LOC122539214: variants seen among roughly 807,000 people sequenced by gnomAD.
At chr19:52,665,965 C>T in the LOC122539214 span, among the ~76,000 whole-genome samples, 1 of 151,538 alleles carries the variant, frequency 6.6e-6, no homozygotes, top group South Asian at 2.1e-4. Context: ...TTGAGACCAT[C>T]CTGGCTAACA....
the LOC122539214 span, among the ~76,000 whole-genome samples, chr19:52,681,563 G>C: frequency 6.6e-6 from 1 of 152,270 alleles, no homozygotes; most frequent in South Asian, 2.1e-4. Context: ...ATAACATACT[G>C]TCCCATGAAG....
At chr19:52,658,650 T>G in the LOC122539214 span, among the ~76,000 whole-genome samples, 8 of 152,302 alleles carry the variant, frequency 5.3e-5, no homozygotes, top group Non-Finnish European at 8.8e-5. Flanking sequence ...AAAGGTTATA[T>G]AGCTTGTAAT....
At chr19:52,659,543 T>C in the LOC122539214 span, among the ~76,000 whole-genome samples, 1 of 148,100 alleles carries the variant, frequency 6.8e-6, no homozygotes, top group Non-Finnish European at 1.5e-5. Context: ...TAGGTCAGGG[T>C]TGACATGCAG....
the LOC122539214 span, among the ~76,000 whole-genome samples, chr19:52,684,536 T>G: frequency 8.6e-5 from 10 of 116,302 alleles, no homozygotes; most frequent in Admixed American, 9.0e-5. Context: ...GACAATAGAG[T>G]GAGACTCTGT....
the LOC122539214 span, among the ~76,000 whole-genome samples, chr19:52,683,514 G>A: frequency 1.7e-5 from 2 of 117,258 alleles, no homozygotes; most frequent in Non-Finnish European, 3.5e-5. Context: ...CCTTCCTGAA[G>A]GGAATCCAAA....
the LOC122539214 span, among the ~76,000 whole-genome samples, chr19:52,687,861 T>C: frequency 6.6e-6 from 1 of 150,642 alleles, no homozygotes; most frequent in South Asian, 2.1e-4. Context: ...TATTGTGTAA[T>C]AACAGAAAGT....
the LOC122539214 span, among the ~76,000 whole-genome samples, chr19:52,682,399 G>C: frequency 1.3e-5 from 2 of 151,990 alleles, no homozygotes; most frequent in South Asian, 2.1e-4. Flanking sequence ...AATTCTGGAA[G>C]TGGTGGCTCA....
chr19:52,659,718 A>G, the LOC122539214 span, among the ~76,000 whole-genome samples: 39,120 of 152,052 alleles, frequency 0.26, 5,294 homozygotes, highest in Middle Eastern at 0.35. Flanking sequence ...TAATTTCAGG[A>G]TGCAAAAGAA....
At chr19:52,684,355 G>T in the LOC122539214 span, among the ~76,000 whole-genome samples, 1 of 151,762 alleles carries the variant, frequency 6.6e-6, no homozygotes, top group African/African-American at 2.4e-5. Context: ...GACAGAGTGA[G>T]ACTCAAAAAT....
the LOC122539214 span, among the ~76,000 whole-genome samples, chr19:52,676,153 G>A: frequency 2.6e-5 from 4 of 152,174 alleles, no homozygotes; most frequent in African/African-American, 7.2e-5. Context: ...ACTGGTTTTC[G>A]TATTTTTTTG....
the LOC122539214 span, among the ~76,000 whole-genome samples, chr19:52,679,383 G>T: frequency 1.3e-5 from 2 of 152,178 alleles, no homozygotes; most frequent in Admixed American, 6.5e-5. Context: ...AGCCAAGGTG[G>T]GTGGGTCACC....
chr19:52,654,225 AT>A, the LOC122539214 span: 1 of 1,580,476 alleles, frequency 6.3e-7, no homozygotes, highest in Non-Finnish European at 8.7e-7. Context: ...CTTCATGGCC[AT>A]TTCTTTTAAT....
the LOC122539214 span, among the ~76,000 whole-genome samples, chr19:52,683,989 A>G: frequency 2.0e-5 from 3 of 152,114 alleles, no homozygotes; most frequent in African/African-American, 7.2e-5. Flanking sequence ...ATTCCAGTAC[A>G]CCGGGAGACC....
the LOC122539214 span, among the ~76,000 whole-genome samples, chr19:52,687,630 A>AATTT: frequency 7.8e-5 from 1 of 12,774 alleles, no homozygotes; most frequent in Non-Finnish European, 1.4e-4. Flanking sequence ...ATATATATAT[A>AATTT]ATGTATATAT....
the LOC122539214 span, among the ~76,000 whole-genome samples, chr19:52,687,181 C>CA: frequency 3.0e-3 from 308 of 104,298 alleles, 1 homozygote; most frequent in Middle Eastern, 5.9e-3. Context: ...AACTCCATCT[C>CA]AAAAAAAAAA....
the LOC122539214 span, among the ~76,000 whole-genome samples, chr19:52,656,252 G>A: frequency 6.6e-6 from 1 of 151,400 alleles, no homozygotes; most frequent in Non-Finnish European, 1.5e-5. Flanking sequence ...CCAGGCATGG[G>A]GGCTCACACC....
the LOC122539214 span, chr19:52,654,031 G>A: frequency 6.4e-7 from 1 of 1,573,054 alleles, no homozygotes; most frequent in Non-Finnish European, 8.7e-7. Flanking sequence ...TGAAACCAAG[G>A]AAGCATTGTT....
At chr19:52,675,731 A>G in the LOC122539214 span, among the ~76,000 whole-genome samples, 4 of 152,250 alleles carry the variant, frequency 2.6e-5, no homozygotes, top group Non-Finnish European at 5.9e-5. Flanking sequence ...GGGCAGAAGT[A>G]ATGGGCATGT....
At chr19:52,680,675 C>T in the LOC122539214 span, among the ~76,000 whole-genome samples, 40 of 129,962 alleles carry the variant, frequency 3.1e-4, no homozygotes, top group South Asian at 1.2e-3. Context: ...TGCAGTGGCG[C>T]GATCTCGGCT....
Sources: allele counts gnomAD v4.1 joint callset (sites outside exome capture counted in the v4.1 genomes callset), GRCh38; gene constraint gnomAD v4.1.1; transcripts MANE v1.5.